TRIM37: variants seen among roughly 807,000 people sequenced by gnomAD.
TRIM37 encodes the protein tripartite motif containing 37, also known as E3 ubiquitin-protein ligase TRIM37.
TRIM37 carries 80 observed loss-of-function variants against 129.8 expected under a neutral mutation model. The observed-to-expected ratio is 0.62, with a 90% CI of 0.51 to 0.74. The LOEUF is 0.74. Ranked by LOEUF, TRIM37 falls within the 30% of genes least tolerant of loss-of-function variation. The probability of loss-of-function intolerance (pLI) is 0.00; values close to 1 mark genes in which losing one functional copy is unlikely to be tolerated. For missense variants in TRIM37, 1,054 were observed against 1,176.5 expected, an observed-to-expected ratio of 0.90 and a Z score of 1.52; for synonymous variants, 389 against 387.1, an observed-to-expected ratio of 1.00 and a Z score of -0.06.
rs201377266 is a variant in TRIM37 at position 59,050,918 on chromosome 17, T to C, written c.1314+296A>G. Among the ~76,000 whole-genome samples, 46 of 152,126 alleles carry C rather than the reference T, an allele frequency of 3.0e-4. No individual in the cohort carries two copies. In the East Asian group the frequency reaches 8.7e-3, roughly 29 times the overall value. On this transcript the variant is annotated intron_variant, in intron 14 of 23. Coordinates refer to ENST00000262294, the MANE Select transcript of TRIM37 (RefSeq NM_015294.6). The stretch of plus-strand genomic sequence containing the variant: ...TGGCGTGAACCCAGGAGGCGGAGCT[T>C]GCAGTGAGCCGAGATTGCACCACTG...
chr17:59,046,261 ATT>A (rs1317355645), intron 16 of TRIM37, among the ~76,000 whole-genome samples: 1 of 152,212 alleles, frequency 6.6e-6, no homozygotes, highest in Non-Finnish European at 1.5e-5. Flanking sequence ...ATACTTATTA[ATT>A]ATAAAGGAAA....
At chr17:59,048,463 G>A (rs563097678) in intron 15 of TRIM37, among the ~76,000 whole-genome samples, 1 of 152,200 alleles carries the variant, frequency 6.6e-6, no homozygotes, top group Admixed American at 6.5e-5. Context: ...ACTACTTCTT[G>A]AACTCTTATT....
chr17:59,080,063 T>A (rs992271209), intron 6 of TRIM37, among the ~76,000 whole-genome samples, 186 bp from the exon 7 acceptor site: 1 of 152,196 alleles, frequency 6.6e-6, no homozygotes, highest in African/African-American at 2.4e-5. Context: ...ATTTTCTGCA[T>A]AAAGAATGTT....
chr17:59,002,782 T>TGTGAGGATTTTTAA (rs1567940778), intron 22 of TRIM37, among the ~76,000 whole-genome samples: 2 of 152,156 alleles, frequency 1.3e-5, no homozygotes, highest in Non-Finnish European at 2.9e-5. Context: ...CCTGGAGAGC[T>TGTGAGGATTTTTAA]TCCTGTGAGG....
rs1243114470 is a variant in TRIM37, at chr17:59,017,317, C to T, written c.2365G>A (p.Asp789Asn). 2 of 1,614,162 alleles carry T rather than the reference C, an allele frequency of 1.2e-6. No individual in the cohort carries two copies. Among genetic ancestry groups the T allele is most frequent in the Non-Finnish European group, 1.7e-6 (2 of 1,180,024 alleles). The change falls in exon 20 of 24, where the codon GAC becomes AAC. Residue 789 changes from aspartate to asparagine, a missense_variant. Asp to Asn is a conservative substitution (Grantham distance 23). Around this residue, in one of 3 missense-constraint regions of TRIM37, gnomAD observed 287 missense variants for 274.3 expected, o/e 1.05. Coordinates refer to ENST00000262294, the MANE Select transcript of TRIM37 (RefSeq NM_015294.6). ...DPGENSRSKG[D>N]CQTLSEGSPG... ...TTACCTTCAGACAGAGTCTGACAGT[C>T]TCCCTTTGAACGACTATTTTCTCCA...
chr17:59,104,844 C>G (rs993232454), intron 1 of TRIM37, among the ~76,000 whole-genome samples: 1 of 151,954 alleles, frequency 6.6e-6, no homozygotes, highest in Non-Finnish European at 1.5e-5. Flanking sequence ...GTAATCCTAG[C>G]ACTTTGGGAG....
intron 22 of TRIM37, among the ~76,000 whole-genome samples, chr17:59,004,442 G>A (rs907281271): frequency 2.8e-4 from 43 of 151,528 alleles, no homozygotes; most frequent in African/African-American, 1.0e-3. Flanking sequence ...GTAAAAGGAA[G>A]GAAATAATAA....
intron 19 of TRIM37, among the ~76,000 whole-genome samples, chr17:59,017,851 C>T (rs74370218): frequency 0.35 from 52,880 of 151,960 alleles, 9,844 homozygotes; most frequent in East Asian, 0.53. Flanking sequence ...GTCTCGAACA[C>T]CTGAACTCAG....
intron 19 of TRIM37, 52 bp from the exon 20 acceptor site, chr17:59,017,476 C>CA (rs1226875126): frequency 6.2e-7 from 1 of 1,612,862 alleles, no homozygotes; most frequent in Admixed American, 1.7e-5. Context: ...GCACAAAACT[C>CA]ACTATTTAGT....
intron 24 of TRIM37, among the ~76,000 whole-genome samples, chr17:58,986,287 C>T (rs1294811788): frequency 6.6e-6 from 1 of 152,016 alleles, no homozygotes; most frequent in Non-Finnish European, 1.5e-5. Flanking sequence ...CAACCTCTGC[C>T]TCCCAGGTTC....
chr17:59,030,129 T>TG (rs2037683220), intron 18 of TRIM37, among the ~76,000 whole-genome samples: 1 of 152,172 alleles, frequency 6.6e-6, no homozygotes, highest in African/African-American at 2.4e-5. Context: ...TTTTTTTTCA[T>TG]GGAGTTTCAC....
chr17:58,973,245 A>T, the TRIM37 span, among the ~76,000 whole-genome samples: 2 of 151,636 alleles, frequency 1.3e-5, no homozygotes, highest in Non-Finnish European at 2.9e-5. Flanking sequence ...GTGAAACCCC[A>T]TCTCTATTAA....
chr17:59,075,950 A>G (rs1439892383), intron 7 of TRIM37, among the ~76,000 whole-genome samples: 1 of 152,256 alleles, frequency 6.6e-6, no homozygotes, highest in East Asian at 1.9e-4. Flanking sequence ...CACTGAGATC[A>G]AATTCATCTA....
intron 9 of TRIM37, 43 bp from the exon 10 acceptor site, chr17:59,064,448 T>C: frequency 6.7e-7 from 1 of 1,482,388 alleles, no homozygotes; most frequent in Admixed American, 2.1e-5. Context: ...CTTACATGTT[T>C]AAAATTCCAT....
intron 8 of TRIM37, among the ~76,000 whole-genome samples, chr17:59,072,246 G>A (rs536368629): frequency 1.3e-5 from 2 of 152,250 alleles, no homozygotes; most frequent in African/African-American, 2.4e-5. Flanking sequence ...CTGAATCTTA[G>A]ACTTCCAGCC....
intron 16 of TRIM37, among the ~76,000 whole-genome samples, chr17:59,044,189 C>T (rs1599116736): frequency 6.6e-6 from 1 of 152,204 alleles, no homozygotes; most frequent in South Asian, 2.1e-4. Flanking sequence ...CACCTGTAGT[C>T]CTAGCTACTT....
At chr17:59,094,179 G>A (rs191445107) in intron 2 of TRIM37, among the ~76,000 whole-genome samples, 303 of 152,018 alleles carry the variant, frequency 2.0e-3, no homozygotes, top group African/African-American at 6.9e-3. Flanking sequence ...CAGGCATACA[G>A]GCATGAAATT....
chr17:59,009,971 C>T (rs752732450), intron 22 of TRIM37, among the ~76,000 whole-genome samples: 1 of 152,158 alleles, frequency 6.6e-6, no homozygotes, highest in Non-Finnish European at 1.5e-5. Flanking sequence ...TATCACAGCA[C>T]TCATCGTCCT....
intron 2 of TRIM37, among the ~76,000 whole-genome samples, chr17:59,102,228 G>T (rs1288460857): frequency 6.6e-6 from 1 of 152,030 alleles, no homozygotes; most frequent in Non-Finnish European, 1.5e-5. Context: ...AGTAGAGAAC[G>T]ACAGCAACAA....
Sources: allele counts gnomAD v4.1 joint callset (sites outside exome capture counted in the v4.1 genomes callset), GRCh38; gene constraint gnomAD v4.1.1; regional missense constraint gnomAD v4.1.1; transcripts MANE v1.5; gene names NCBI Gene and HGNC (gene_info 2026-07-23, HGNC 2026-07-21).